Variants in CHN2 observed in about 807,000 individuals in gnomAD.
The protein encoded by CHN2 is beta-chimaerin.
Under a neutral mutation model 56.3 loss-of-function variants are expected in CHN2, and 35 were observed. The ratio of observed to expected loss-of-function variants is 0.62; its 90% confidence interval spans 0.47 to 0.82. The LOEUF (loss-of-function observed/expected upper bound fraction) is 0.82. Among genes scored for constraint, CHN2 ranks in the 40% least tolerant of loss-of-function variants. CHN2 has a pLI of 0.00. For missense variants in CHN2, 491 were observed against 580.5 expected (o/e 0.85, Z 1.58); for synonymous variants, 210 against 212.8 (o/e 0.99, Z 0.12).
At chr7:29,157,914 T>A (rs1794639558) in intron 2 of CHN2, among the ~76,000 whole-genome samples, 1 of 152,180 alleles carries the variant, frequency 6.6e-6, no homozygotes, top group Non-Finnish European at 1.5e-5. Flanking sequence ...CCTTTCATTT[T>A]ACTCTTCCTT....
chr7:29,418,274 AC>A (rs1357753678), intron 6 of CHN2, among the ~76,000 whole-genome samples: 1 of 152,256 alleles, frequency 6.6e-6, no homozygotes, highest in African/African-American at 2.4e-5. Flanking sequence ...CCAGGCAGAC[AC>A]CCAAGTAGGG....
chr7:29,320,170 G>A (rs572949260), intron 1 of CHN2, among the ~76,000 whole-genome samples: 2 of 152,330 alleles, frequency 1.3e-5, no homozygotes, highest in South Asian at 4.1e-4. Context: ...AAACCAGAAA[G>A]TGGCAGAACT....
intron 3 of CHN2, among the ~76,000 whole-genome samples, chr7:29,392,524 G>A (rs760881177): frequency 6.6e-6 from 1 of 152,224 alleles, no homozygotes; most frequent in Non-Finnish European, 1.5e-5. Flanking sequence ...GCACAGGAGA[G>A]TGAACACATA....
At chr7:29,482,335 C>CA (rs1406501142) in intron 7 of CHN2, among the ~76,000 whole-genome samples, 1 of 152,192 alleles carries the variant, frequency 6.6e-6, no homozygotes, top group African/African-American at 2.4e-5. Flanking sequence ...CTGTTGGTGC[C>CA]ACTGTCCTTA....
chr7:29,234,256 A>T (rs1787000294), intron 1 of CHN2, among the ~76,000 whole-genome samples: 2 of 131,894 alleles, frequency 1.5e-5, no homozygotes, highest in Non-Finnish European at 1.7e-5. Flanking sequence ...TAAGAAACTG[A>T]TATAGTGACC....
chr7:29,431,975 C>T (rs907618046), intron 6 of CHN2, among the ~76,000 whole-genome samples: 44 of 152,246 alleles, frequency 2.9e-4, no homozygotes, highest in African/African-American at 8.2e-4. Flanking sequence ...GCCTTGGGAT[C>T]TCACCCTAAG....
intron 3 of CHN2, among the ~76,000 whole-genome samples, chr7:29,392,613 C>G (rs1359294857): frequency 6.6e-6 from 1 of 152,130 alleles, no homozygotes; most frequent in Non-Finnish European, 1.5e-5. Context: ...CCCCAAAGCC[C>G]CAGCTCCGCC....
At chr7:29,403,711 G>A (rs956774220) in intron 6 of CHN2, among the ~76,000 whole-genome samples, 14 of 151,954 alleles carry the variant, frequency 9.2e-5, no homozygotes, top group Admixed American at 5.2e-4. Flanking sequence ...ATAGTGATCC[G>A]TCTCCCCACT....
chr7:29,482,666 T>C (rs1052628095), intron 7 of CHN2, among the ~76,000 whole-genome samples: 3 of 151,968 alleles, frequency 2.0e-5, no homozygotes, highest in Admixed American at 1.3e-4. Flanking sequence ...CCTTCTTGAT[T>C]TGTAATTCGG....
chr7:29,269,697 A>T (rs577526297), intron 1 of CHN2, among the ~76,000 whole-genome samples: 27 of 152,310 alleles, frequency 1.8e-4, no homozygotes, highest in African/African-American at 6.5e-4. Context: ...TAGCATTTTA[A>T]TCTTAAATTC....
intron 1 of CHN2, among the ~76,000 whole-genome samples, chr7:29,315,059 G>GT (rs1245361757): frequency 3.3e-5 from 5 of 151,926 alleles, no homozygotes; most frequent in Non-Finnish European, 7.4e-5. Context: ...TGAAAATATT[G>GT]TATAATATCC....
chr7:29,167,243 C>A (rs1372721941), intron 2 of CHN2, among the ~76,000 whole-genome samples: 1 of 152,008 alleles, frequency 6.6e-6, no homozygotes, highest in Admixed American at 6.6e-5. Context: ...TTAATTTTAA[C>A]TTTTTTAGAC....
chr7:29,273,559 T>C (rs1790931798), intron 1 of CHN2, among the ~76,000 whole-genome samples: 1 of 151,494 alleles, frequency 6.6e-6, no homozygotes, highest in African/African-American at 2.4e-5. Context: ...CACTGGGTCC[T>C]ATGATCATTC....
At chr7:29,277,066 C>A (rs1382945689) in intron 1 of CHN2, among the ~76,000 whole-genome samples, 1 of 152,146 alleles carries the variant, frequency 6.6e-6, no homozygotes, top group East Asian at 1.9e-4. Flanking sequence ...CTTCACTGAT[C>A]ATGCATTTAA....
chr7:29,241,330 A>G (rs902771445), intron 1 of CHN2, among the ~76,000 whole-genome samples: 2 of 152,166 alleles, frequency 1.3e-5, no homozygotes, highest in African/African-American at 4.8e-5. Flanking sequence ...GTCTCTCACT[A>G]GGCCAGAGTC....
chr7:29,252,187 ATTTTTT>A (rs3046893), intron 1 of CHN2, among the ~76,000 whole-genome samples: 1 of 113,930 alleles, frequency 8.8e-6, no homozygotes, highest in African/African-American at 3.5e-5. Context: ...ATTATACAGG[ATTTTTT>A]TTTTTTTTTT....
At chr7:29,209,245 C>T (rs986439463) in intron 1 of CHN2, among the ~76,000 whole-genome samples, 5 of 152,088 alleles carry the variant, frequency 3.3e-5, no homozygotes, top group Admixed American at 6.6e-5. Flanking sequence ...CAAGAACATC[C>T]GCCACAATTA....
chr7:29,160,578 T>C (rs1795040499), intron 2 of CHN2, among the ~76,000 whole-genome samples: 1 of 152,072 alleles, frequency 6.6e-6, no homozygotes, highest in South Asian at 2.1e-4. Context: ...TTGGGAAAGA[T>C]TTTTCTCCCT....
At chr7:29,374,185 G>A (rs940021801) in intron 3 of CHN2, among the ~76,000 whole-genome samples, 7 of 151,990 alleles carry the variant, frequency 4.6e-5, no homozygotes, top group Non-Finnish European at 1.0e-4. Flanking sequence ...AAGAATGAAG[G>A]ACTTTCCCAT....
Sources: allele counts gnomAD v4.1 joint callset (sites outside exome capture counted in the v4.1 genomes callset), GRCh38; gene constraint gnomAD v4.1.1; transcripts MANE v1.5; gene names NCBI Gene and HGNC (gene_info 2026-07-23, HGNC 2026-07-21).